The following ADAM22 variants were observed in gnomAD, a reference collection of about 807,000 sequenced individuals.
The protein encoded by ADAM22 is disintegrin and metalloproteinase domain-containing protein 22.
ADAM22 carries 65 observed loss-of-function variants against 144.6 expected under a neutral mutation model. That is an observed-to-expected ratio of 0.45 (90% CI 0.37 to 0.55). The LOEUF (loss-of-function observed/expected upper bound fraction) is 0.55, where lower values mean the gene tolerates loss of function less well. ADAM22 is among the 20% of genes least tolerant of loss of function. The pLI is 0.00. For synonymous variants in ADAM22, 391 were observed against 412.6 expected (o/e 0.95, Z 0.63); for missense variants, 974 against 1,184.9 (o/e 0.82, Z 2.61).
Position 87,990,156 on chromosome 7 carries a change from G to A in ADAM22, c.323+11744G>A, listed in dbSNP as rs74779300. 0.015 allele frequency among the ~76,000 whole-genome samples: 2,350 copies of A among 152,082 alleles called. 109 individuals are homozygous for A. In the East Asian group the frequency reaches 0.17, roughly 11 times the overall value. On this transcript the variant is annotated intron_variant, in intron 3 of 31. Coordinates refer to ENST00000413139, the MANE Select transcript of ADAM22 (RefSeq NM_001324418.2). Reference sequence around the variant, plus strand: ...GGGGTGATAGATACAAAAAGATAAAGACCCTATCTTCAAGGACATGACAAC... The same window carrying A: ...GGGGTGATAGATACAAAAAGATAAAAACCCTATCTTCAAGGACATGACAAC...
chr7:88,007,172 T>C (rs895899614), intron 3 of ADAM22, among the ~76,000 whole-genome samples: 41 of 152,092 alleles, frequency 2.7e-4, no homozygotes, highest in Non-Finnish European at 4.9e-4. Flanking sequence ...AATGAGATAC[T>C]TAGGAATCCA....
At chr7:87,955,895 A>G (rs1163036975) in intron 2 of ADAM22, among the ~76,000 whole-genome samples, 1 of 152,164 alleles carries the variant, frequency 6.6e-6, no homozygotes, top group Non-Finnish European at 1.5e-5. Context: ...TGTGCTAGCA[A>G]TCAGGGAGAC....
At chr7:87,993,153 T>TA (rs1790308942) in intron 3 of ADAM22, among the ~76,000 whole-genome samples, 1 of 152,192 alleles carries the variant, frequency 6.6e-6, no homozygotes, top group South Asian at 2.1e-4. Context: ...CCTTGAGGAA[T>TA]AAATAGACTT....
chr7:88,022,728 G>T (rs1422210215), intron 3 of ADAM22, among the ~76,000 whole-genome samples: 1 of 151,978 alleles, frequency 6.6e-6, no homozygotes, highest in African/African-American at 2.4e-5. Context: ...CTTTTACATA[G>T]GATGATTTTA....
intron 3 of ADAM22, among the ~76,000 whole-genome samples, chr7:88,029,278 C>A (rs1799705580): frequency 6.6e-6 from 1 of 151,946 alleles, no homozygotes; most frequent in Admixed American, 6.6e-5. Flanking sequence ...TACCACTAGG[C>A]TTGTAAATAA....
At chr7:88,052,516 C>T (rs1038710941) in intron 3 of ADAM22, among the ~76,000 whole-genome samples, 8 of 151,852 alleles carry the variant, frequency 5.3e-5, no homozygotes, top group Non-Finnish European at 1.2e-4. Context: ...AAAAAAGTTC[C>T]CAGATGCTGC....
chr7:88,086,223 G>A (rs541913795), intron 4 of ADAM22, among the ~76,000 whole-genome samples: 1 of 152,020 alleles, frequency 6.6e-6, no homozygotes, highest in African/African-American at 2.4e-5. Flanking sequence ...TTTCTCTTTT[G>A]TCCCCCCCTT....
At chr7:88,062,111 A>G (rs145424810) in intron 3 of ADAM22, among the ~76,000 whole-genome samples, 268 of 152,208 alleles carry the variant, frequency 1.8e-3, no homozygotes, top group African/African-American at 6.1e-3. Flanking sequence ...CTGAAGTGCT[A>G]GAATTACAGG....
intron 3 of ADAM22, among the ~76,000 whole-genome samples, chr7:88,053,569 AAGGAGGAAAGG>A (rs1273699915): frequency 5.6e-4 from 76 of 136,346 alleles, no homozygotes; most frequent in African/African-American, 2.1e-3. Flanking sequence ...AGAAAGAAGG[AAGGAGGAAAGG>A]AAGGAAGGAA....
chr7:88,092,102 C>T (rs1820022447), intron 4 of ADAM22, among the ~76,000 whole-genome samples: 1 of 152,174 alleles, frequency 6.6e-6, no homozygotes, highest in Admixed American at 6.5e-5. Context: ...CTGTCTTGCA[C>T]ATGGCAAACA....
chr7:88,106,650 A>G (rs1824477485), intron 4 of ADAM22, among the ~76,000 whole-genome samples: 2 of 152,344 alleles, frequency 1.3e-5, no homozygotes, highest in East Asian at 3.9e-4. Context: ...CTGAAGAAAT[A>G]GAAGATTGGT....
Position 88,179,104 on chromosome 7 carries a change from C to T in ADAM22, c.2470C>T (p.Gln824Ter). 7.7e-7 allele frequency: 1 copy of T among 1,295,984 alleles called. No individual in the cohort carries two copies. Among genetic ancestry groups the T allele is most frequent in the Non-Finnish European group, 1.1e-6 (1 of 896,522 alleles). 80.3% of individuals were successfully genotyped at this position (1,295,984 alleles called of 1,614,324 possible). Residue 824 changes from glutamine (Q) to a stop codon, truncating the protein, a stop_gained, in exon 27 of 32, where the codon CAG becomes TAG. Coordinates refer to ENST00000413139, the MANE Select transcript of ADAM22 (RefSeq NM_001324418.2). LOFTEE classifies it high-confidence loss of function. The stretch of plus-strand genomic sequence containing the variant: ...TTCCATCACACATTATTCCATTAGT[C>T]AGAACATTTCATTATTTTGCAGCAG... Reference protein sequence around the residue: ...TCSITHYSISQNISLFCSRSN... With the variant: ...TCSITHYSIS
chr7:88,039,464 A>ATATAT (rs1554420478), intron 3 of ADAM22, among the ~76,000 whole-genome samples: 1,540 of 76,172 alleles, frequency 0.02, 77 homozygotes, highest in African/African-American at 0.069. Flanking sequence ...AAAAAAAAAA[A>ATATAT]ATATATATAT....
At chr7:88,113,703 A>AATAAATAAATAAATATATATATAT (rs1554478726) in intron 5 of ADAM22, among the ~76,000 whole-genome samples, 6 of 48,106 alleles carry the variant, frequency 1.2e-4, no homozygotes, top group East Asian at 1.4e-3. Context: ...TAAATAAATA[A>AATAAATAAATAAATATATATATAT]ATATATATAT....
chr7:87,969,101 A>G (rs192398318), intron 2 of ADAM22, among the ~76,000 whole-genome samples: 91 of 152,332 alleles, frequency 6.0e-4, no homozygotes, highest in African/African-American at 2.1e-3. Flanking sequence ...ACAATTCTAC[A>G]TGTGATTTGG....
intron 3 of ADAM22, among the ~76,000 whole-genome samples, chr7:88,000,293 T>G (rs1792233683): frequency 6.6e-6 from 1 of 152,186 alleles, no homozygotes; most frequent in African/African-American, 2.4e-5. Context: ...TACAGAGAGA[T>G]AAAAATATAC....
intron 2 of ADAM22, among the ~76,000 whole-genome samples, chr7:87,953,559 C>G (rs1415291217): frequency 2.0e-5 from 3 of 152,120 alleles, no homozygotes; most frequent in African/African-American, 7.2e-5. Context: ...GCTTTACTTC[C>G]AACTATGTGG....
At chr7:88,133,666 G>T (rs1326183733) in intron 12 of ADAM22, among the ~76,000 whole-genome samples, 3 of 151,960 alleles carry the variant, frequency 2.0e-5, no homozygotes, top group Non-Finnish European at 2.9e-5. Flanking sequence ...AACCCAACTG[G>T]ATATTTTTTC....
chr7:88,071,559 T>C (rs995158091), intron 3 of ADAM22, among the ~76,000 whole-genome samples: 14 of 152,126 alleles, frequency 9.2e-5, no homozygotes, highest in Non-Finnish European at 2.9e-5. Context: ...TGTATAATAC[T>C]GTACGAGCTG....
Sources: allele counts gnomAD v4.1 joint callset (sites outside exome capture counted in the v4.1 genomes callset), GRCh38; gene constraint gnomAD v4.1.1; transcripts MANE v1.5; gene names NCBI Gene and HGNC (gene_info 2026-07-23, HGNC 2026-07-21).